Variants in HDAC9 observed in about 807,000 individuals in gnomAD.
HDAC9 encodes the protein histone deacetylase 9, also known as MEF-2 interacting transcription repressor (MITR) protein.
HDAC9 carries 41 observed loss-of-function variants against 139.4 expected under a neutral mutation model. That is an observed-to-expected ratio of 0.29 (90% CI 0.23 to 0.38). The LOEUF is 0.38. HDAC9 is among the 10% of genes least tolerant of loss of function. HDAC9 has a pLI of 1.00. For missense variants in HDAC9, 1,147 were observed against 1,297.0 expected, an observed-to-expected ratio of 0.88 and a Z score of 1.78; for synonymous variants, 517 against 476.2, an observed-to-expected ratio of 1.09 and a Z score of -1.12.
At chr7:18,530,105 T>C (rs578010059) in intron 2 of HDAC9, among the ~76,000 whole-genome samples, 1 of 151,626 alleles carries the variant, frequency 6.6e-6, no homozygotes, top group African/African-American at 2.4e-5. Context: ...CAAAGCAAGA[T>C]CCAGTCTCTA....
chr7:18,338,694 A>C (rs1781769119), intron 1 of HDAC9, among the ~76,000 whole-genome samples: 1 of 151,490 alleles, frequency 6.6e-6, no homozygotes, highest in Non-Finnish European at 1.5e-5. Flanking sequence ...GTTGTATTCT[A>C]TTTAAATAAC....
At chr7:18,960,888 TG>T (rs1473941338) in intron 24 of HDAC9, among the ~76,000 whole-genome samples, 3 of 151,850 alleles carry the variant, frequency 2.0e-5, no homozygotes, top group East Asian at 3.9e-4. Flanking sequence ...CATCTCTTGT[TG>T]GGGGGTGGGG....
At chr7:18,877,772 T>C (rs1799430369) in intron 22 of HDAC9, among the ~76,000 whole-genome samples, 1 of 152,188 alleles carries the variant, frequency 6.6e-6, no homozygotes. Context: ...ATAGAGGTGA[T>C]TTAAAATTAA....
intron 10 of HDAC9, 21 bp from the exon 11 acceptor site, chr7:18,648,445 T>C (rs1788145096): frequency 1.9e-6 from 3 of 1,556,366 alleles, no homozygotes; most frequent in South Asian, 2.2e-5. Flanking sequence ...TACACACATA[T>C]ACATGTATTT....
chr7:18,192,768 G>C (rs1489997347), intron 2 of HDAC9, among the ~76,000 whole-genome samples: 1 of 152,202 alleles, frequency 6.6e-6, no homozygotes, highest in Admixed American at 6.5e-5. Flanking sequence ...CAACATGCCA[G>C]AATGCACACA....
intron 12 of HDAC9, among the ~76,000 whole-genome samples, chr7:18,691,900 C>T (rs1329452666): frequency 6.6e-6 from 1 of 151,904 alleles, no homozygotes; most frequent in East Asian, 1.9e-4. Context: ...TAAAGAGTGT[C>T]AACAAAAGAG....
At chr7:18,852,729 A>G (rs1350824813) in intron 21 of HDAC9, among the ~76,000 whole-genome samples, 3 of 152,142 alleles carry the variant, frequency 2.0e-5, no homozygotes, top group African/African-American at 4.8e-5. Flanking sequence ...CAAATTCTGC[A>G]AAGGTGGGGG....
chr7:18,225,022 T>TA (rs924201509), intron 2 of HDAC9, among the ~76,000 whole-genome samples: 20 of 151,312 alleles, frequency 1.3e-4, no homozygotes, highest in East Asian at 5.8e-4. Flanking sequence ...ATAGTTGGCT[T>TA]AAAAAAAAAC....
At chr7:18,140,172 A>G (rs890303609) in intron 1 of HDAC9, among the ~76,000 whole-genome samples, 2 of 152,120 alleles carry the variant, frequency 1.3e-5, no homozygotes, top group Non-Finnish European at 2.9e-5. Context: ...TCTTCCCAAA[A>G]TGAAATCTGC....
At chr7:18,458,988 C>T in intron 1 of HDAC9, 1 of 999,872 alleles carries the variant, frequency 1.0e-6, no homozygotes, top group South Asian at 1.4e-5. Context: ...GGCTATTGGT[C>T]AAAGCTGCGG....
At position 18,985,674 on chromosome 7, in the gene HDAC9, A is replaced by C. The variant is rs1785288942; in HGVS notation, c.3170+9721A>C. On this transcript the variant is annotated intron_variant, in intron 25 of 25. Transcript: ENST00000686413. Reference sequence around the variant, plus strand: ...ACTTCCACAATGGTTGAACTAGTTTACAGTCCCACCAACAGTGTAAAAGTG... The same window carrying C: ...ACTTCCACAATGGTTGAACTAGTTTCCAGTCCCACCAACAGTGTAAAAGTG... Among the ~76,000 whole-genome samples the C allele has an allele frequency of 2.7e-5, 4 of 145,664 alleles. No homozygotes were observed. The South Asian group carries it at 8.9e-4, about 32-fold the overall frequency.
intron 12 of HDAC9, among the ~76,000 whole-genome samples, chr7:18,684,253 C>CAA (rs61100280): frequency 7.0e-6 from 1 of 142,772 alleles, no homozygotes; most frequent in Non-Finnish European, 1.5e-5. Flanking sequence ...GACCCTATCT[C>CAA]AAAAAAAAAA....
chr7:18,464,376 G>A (rs1794093677), intron 1 of HDAC9, among the ~76,000 whole-genome samples: 1 of 151,844 alleles, frequency 6.6e-6, no homozygotes, highest in African/African-American at 2.4e-5. Context: ...GTAGGTAGTG[G>A]CTTAAAAAGT....
chr7:18,567,180 T>G (rs1217731235), intron 2 of HDAC9, among the ~76,000 whole-genome samples: 1 of 152,188 alleles, frequency 6.6e-6, no homozygotes, highest in Non-Finnish European at 1.5e-5. Flanking sequence ...TAAGCCCAAG[T>G]GAACCGCCTA....
chr7:18,373,707 C>G (rs1784762880), intron 1 of HDAC9, among the ~76,000 whole-genome samples: 1 of 152,068 alleles, frequency 6.6e-6, no homozygotes, highest in Non-Finnish European at 1.5e-5. Context: ...GGAAACATGA[C>G]AAAACTTAAA....
intron 2 of HDAC9, among the ~76,000 whole-genome samples, chr7:18,559,915 C>A (rs1266915916): frequency 2.6e-5 from 4 of 152,114 alleles, no homozygotes; most frequent in Non-Finnish European, 5.9e-5. Context: ...AAATGTGAGT[C>A]AAATTGACCC....
intron 2 of HDAC9, among the ~76,000 whole-genome samples, chr7:18,539,375 A>C (rs1168907279): frequency 1.3e-5 from 2 of 152,222 alleles, no homozygotes; most frequent in East Asian, 3.8e-4. Flanking sequence ...AGGTCATGAA[A>C]AACAAGGAAA....
chr7:18,670,865 CTT>C (rs371122947), intron 12 of HDAC9, among the ~76,000 whole-genome samples: 5 of 146,164 alleles, frequency 3.4e-5, no homozygotes, highest in African/African-American at 5.0e-5. Context: ...GATTAGTACT[CTT>C]TTTTTTTTTT....
At chr7:18,173,916 T>C (rs1173340630) in intron 2 of HDAC9, among the ~76,000 whole-genome samples, 4 of 152,340 alleles carry the variant, frequency 2.6e-5, no homozygotes, top group Non-Finnish European at 4.4e-5. Flanking sequence ...CTGACAATTA[T>C]GTGTCTTGGG....
Sources: gnomAD v4.1 joint callset for allele counts (sites outside exome capture counted in the v4.1 genomes callset) on GRCh38, gnomAD v4.1.1 for gene constraint, MANE v1.5 for transcripts, NCBI Gene and HGNC (gene_info 2026-07-23, HGNC 2026-07-21) for gene names.